Variants in DPP10 observed in about 807,000 individuals in gnomAD.
DPP10 encodes the protein inactive dipeptidyl peptidase 10.
In DPP10, 33 loss-of-function variants were observed where a neutral mutation model predicts 120.9. The ratio of observed to expected loss-of-function variants is 0.27; its 90% confidence interval spans 0.21 to 0.37. The LOEUF is 0.37. DPP10 is among the 10% of genes least tolerant of loss of function. DPP10 has a pLI of 1.00. For synonymous variants in DPP10, 337 were observed against 326.1 expected (o/e 1.03, Z -0.36); for missense variants, 816 against 942.8 (o/e 0.87, Z 1.76).
At chr2:115,323,822 A>G (rs894952214) in intron 2 of DPP10, among the ~76,000 whole-genome samples, 11 of 152,152 alleles carry the variant, frequency 7.2e-5, no homozygotes, top group Non-Finnish European at 1.3e-4. Flanking sequence ...AGTGGATTTA[A>G]AATATTTAGT....
intron 1 of DPP10, among the ~76,000 whole-genome samples, chr2:114,917,818 A>G (rs35384135): frequency 0.22 from 32,870 of 152,036 alleles, 3,630 homozygotes; most frequent in East Asian, 0.27. Context: ...AAGATGGATT[A>G]AAGACTTAAA....
chr2:114,565,332 GGATT>G (rs1270468796), intron 1 of DPP10, among the ~76,000 whole-genome samples: 1 of 152,164 alleles, frequency 6.6e-6, no homozygotes, highest in African/African-American at 2.4e-5. Flanking sequence ...CTATTGGATT[GGATT>G]GATTAAGTGG....
chr2:115,754,808 C>T (rs568587642), intron 11 of DPP10, among the ~76,000 whole-genome samples: 1 of 152,182 alleles, frequency 6.6e-6, no homozygotes, highest in African/African-American at 2.4e-5. Context: ...ACATGTTTTA[C>T]AAGTTATTAG....
rs187106851 is a variant in DPP10 at position 115,242,236 on chromosome 2, G to C, written c.61-67003G>C. On this transcript the variant is annotated intron_variant, in intron 1 of 25. Coordinates refer to ENST00000410059, the MANE Select transcript of DPP10 (RefSeq NM_020868.6). ...TCCTCATAGTTGAGTTCTCGCTTAT[G>C]AGTGAGAACATACAATGTTTGGTTT... is the stretch of plus-strand genomic sequence containing the variant. Among the ~76,000 whole-genome samples, 5 of 152,228 alleles carry C rather than the reference G, an allele frequency of 3.3e-5. No individual in the cohort carries two copies. In the East Asian group the frequency reaches 5.8e-4, roughly 18 times the overall value.
At chr2:115,152,539 TCTC>T (rs1288731932) in intron 1 of DPP10, among the ~76,000 whole-genome samples, 1 of 152,222 alleles carries the variant, frequency 6.6e-6, no homozygotes, top group Non-Finnish European at 1.5e-5. Context: ...AGATCCTTCT[TCTC>T]TTGTTATGTA....
At chr2:114,573,536 A>G (rs1273742850) in intron 1 of DPP10, among the ~76,000 whole-genome samples, 1 of 152,226 alleles carries the variant, frequency 6.6e-6, no homozygotes, top group Admixed American at 6.5e-5. Flanking sequence ...TATGGTCCCA[A>G]GCTATCAAAC....
At chr2:114,820,314 A>G (rs1201588645) in intron 1 of DPP10, among the ~76,000 whole-genome samples, 1 of 152,198 alleles carries the variant, frequency 6.6e-6, no homozygotes, top group Non-Finnish European at 1.5e-5. Context: ...TAATCCCAGT[A>G]CTATATGATA....
intron 1 of DPP10, among the ~76,000 whole-genome samples, chr2:115,098,725 A>G (rs528930256): frequency 6.6e-6 from 1 of 152,266 alleles, no homozygotes; most frequent in South Asian, 2.1e-4. Flanking sequence ...AAAACACAAA[A>G]AGGACAGTAA....
At chr2:115,457,758 C>T in intron 3 of DPP10, among the ~76,000 whole-genome samples, 1 of 152,020 alleles carries the variant, frequency 6.6e-6, no homozygotes, top group East Asian at 1.9e-4. Flanking sequence ...TGACAGTTTC[C>T]TAAAAAGTAA....
At chr2:115,784,085 T>C (rs1683072354) in intron 17 of DPP10, among the ~76,000 whole-genome samples, 1 of 152,214 alleles carries the variant, frequency 6.6e-6, no homozygotes, top group South Asian at 2.1e-4. Flanking sequence ...AAAACATTTC[T>C]GTCTAAGGGA....
At chr2:115,787,685 T>G (rs1204052977) in intron 17 of DPP10, among the ~76,000 whole-genome samples, 2 of 152,058 alleles carry the variant, frequency 1.3e-5, no homozygotes, top group Admixed American at 1.3e-4. Context: ...GGCCAAAAAT[T>G]TTCTAAATCT....
chr2:114,626,734 A>G (rs1355630779), intron 1 of DPP10, among the ~76,000 whole-genome samples: 2 of 152,108 alleles, frequency 1.3e-5, no homozygotes, highest in African/African-American at 4.8e-5. Flanking sequence ...TACACTACCA[A>G]GTAATATTTT....
chr2:114,653,517 C>A (rs1696760692), intron 1 of DPP10, among the ~76,000 whole-genome samples: 1 of 152,150 alleles, frequency 6.6e-6, no homozygotes, highest in Non-Finnish European at 1.5e-5. Context: ...TATGCATCAG[C>A]TTGGGGTCGG....
chr2:115,118,747 TTGTGTGTGTGTGTGTGTGTGTGTG>T, intron 1 of DPP10, among the ~76,000 whole-genome samples: 1 of 140,518 alleles, frequency 7.1e-6, no homozygotes, highest in South Asian at 2.4e-4. Context: ...ACACAGCTAA[TTGTGTGTGTGTGTGTGTGTGTGTG>T]TGTGTGTGTG....
chr2:115,104,662 G>C (rs1019600973), intron 1 of DPP10, among the ~76,000 whole-genome samples: 1 of 152,046 alleles, frequency 6.6e-6, no homozygotes, highest in Non-Finnish European at 1.5e-5. Context: ...AAAAGTACCT[G>C]ATCAACTAAG....
At position 114,842,742 on chromosome 2, in the gene DPP10, C is replaced by T. The variant is rs375974241; in HGVS notation, c.60+399904C>T. On this transcript the variant is annotated intron_variant, in intron 1 of 25. Transcript: ENST00000410059. ...CACAGAGATTCAATAGCTTGTGTTT[C>T]CAAGCATTATGGGAGACTGCTTAAC... Among the ~76,000 whole-genome samples the T allele has an allele frequency of 1.8e-4, 28 of 152,164 alleles. No individual in the cohort carries two copies. In the South Asian group the frequency reaches 5.6e-3, roughly 30 times the overall value.
intron 1 of DPP10, among the ~76,000 whole-genome samples, chr2:114,520,850 G>A (rs1005408482): frequency 2.6e-5 from 4 of 152,178 alleles, no homozygotes; most frequent in Non-Finnish European, 5.9e-5. Flanking sequence ...GATGCTGAAA[G>A]CTTAGCAGAA....
At chr2:115,453,237 TTAAG>T (rs577339194) in intron 3 of DPP10, among the ~76,000 whole-genome samples, 145 of 151,686 alleles carry the variant, frequency 9.6e-4, no homozygotes, top group African/African-American at 3.3e-3. Context: ...CAAATTCTTC[TTAAG>T]TGTTTACATT....
At chr2:114,537,257 T>C (rs888708044) in intron 1 of DPP10, among the ~76,000 whole-genome samples, 10 of 152,134 alleles carry the variant, frequency 6.6e-5, no homozygotes, top group Non-Finnish European at 5.9e-5. Flanking sequence ...ATCTGAAGGA[T>C]AGGTGTTTAT....
Sources: allele counts gnomAD v4.1 joint callset (sites outside exome capture counted in the v4.1 genomes callset), GRCh38; gene constraint gnomAD v4.1.1; transcripts MANE v1.5; gene names NCBI Gene and HGNC (gene_info 2026-07-23, HGNC 2026-07-21).